PKD1: variants seen among roughly 807,000 people sequenced by gnomAD.
PKD1 encodes polycystin 1, transient receptor potential channel interacting.
A neutral mutation model predicts 361.7 loss-of-function variants in PKD1; 81 were observed. That is an observed-to-expected ratio of 0.22 (90% CI 0.19 to 0.27). The LOEUF (loss-of-function observed/expected upper bound fraction) is 0.27, where lower values mean the gene tolerates loss of function less well. Among genes scored for constraint, PKD1 ranks in the 10% least tolerant of loss-of-function variants. The probability of loss-of-function intolerance (pLI) is 1.00; values close to 1 mark genes in which losing one functional copy is unlikely to be tolerated. For missense variants in PKD1, 6,399 were observed against 6,118.3 expected (o/e 1.05, Z -1.53); for synonymous variants, 3,615 against 2,818.3 (o/e 1.28, Z -8.95).
intron 1 of PKD1, chr16:2,120,318 A>G: frequency 6.3e-6 from 1 of 158,294 alleles, no homozygotes; most frequent in East Asian, 1.8e-4. Flanking sequence ...ATAAAATTAG[A>G]AAACAAACTA....
intron 1 of PKD1, among the ~76,000 whole-genome samples, chr16:2,120,954 T>G (rs545851416): frequency 2.7e-5 from 4 of 147,298 alleles, no homozygotes; most frequent in Admixed American, 2.7e-4. Flanking sequence ...GAGGCGAAGG[T>G]TGCAGTGAGC....
In PKD1 at chr16:2,093,511, G is replaced by A. The variant is rs776147546; in HGVS notation, c.11016+33C>T. ...TGGGAGGTGGGAGACAAGAGACGGAGGTGGCAGGGGCACAGGCCGCACCCA... is the reference window on the plus strand; with the variant it reads ...TGGGAGGTGGGAGACAAGAGACGGAAGTGGCAGGGGCACAGGCCGCACCCA... On this transcript the variant is annotated intron_variant, in intron 37 of 45. Coordinates refer to ENST00000262304, the MANE Select transcript of PKD1 (RefSeq NM_001009944.3). The A allele has an allele frequency of 1.9e-6, 3 of 1,568,660 alleles. No homozygotes were observed. The African/African-American group carries it at 4.0e-5, about 21-fold the overall frequency.
At chr16:2,120,164 A>G in intron 1 of PKD1, 1 of 446,314 alleles carries the variant, frequency 2.2e-6, no homozygotes. Context: ...GGGAGCTGAG[A>G]TCGCATCACT....
Position 2,105,984 on chromosome 16 carries a change from T to C in PKD1, c.7744A>G (p.Thr2582Ala), listed in dbSNP as rs779361826. 80 of 1,602,766 alleles carry C rather than the reference T, an allele frequency of 5.0e-5. No homozygotes were observed. In the South Asian group the frequency reaches 7.3e-4, roughly 15 times the overall value. ...CCGTGCAGCCAGACTGTGAGCCCCG[T>C]TGCGCTGCCGTTGGGCTCTGGGAGG... ...ITLPEPNGSATGLTVWLHGLT... is the reference protein window; with the variant it reads ...ITLPEPNGSAAGLTVWLHGLT... The change falls in exon 20 of 46, where the codon ACG becomes GCG. Residue 2582 changes from threonine (T) to alanine (A), a missense_variant. Thr to Ala is a moderately conservative substitution (Grantham distance 58, BLOSUM62 0). Transcript: ENST00000262304.
At chr16:2,093,777 G>T (rs1264166828) in intron 36 of PKD1, 34 bp downstream of exon 36, 2 of 1,558,652 alleles carry the variant, frequency 1.3e-6, no homozygotes, top group Non-Finnish European at 1.7e-6. Flanking sequence ...CCCCGTGATG[G>T]AGGCCTGTAG....
In PKD1 at chr16:2,109,572, C is replaced by T; in HGVS notation, c.5595G>A (p.Arg1865=). The T allele has an allele frequency of 1.9e-6, 3 of 1,611,636 alleles. No homozygotes were observed. Among genetic ancestry groups the T allele is most frequent in the Non-Finnish European group, 2.5e-6 (3 of 1,179,530 alleles). Residue 1865 remains arginine, a synonymous_variant, in exon 15 of 46, where the codon CGG becomes CGA. Transcript: ENST00000262304. ...AGCTGACTGCGTTGGAGGCATTGAGCCGGATGGAGAAGGTGCCAGCATCCG... is the reference window on the plus strand; with the variant it reads ...AGCTGACTGCGTTGGAGGCATTGAGTCGGATGGAGAAGGTGCCAGCATCCG... The part of the protein sequence containing the change: ...VFPDAGTFSI[R]LNASNAVSWV...
At position 2,091,499 on chromosome 16, in the gene PKD1, G is replaced by C. The variant is rs1286182166; in HGVS notation, c.11636C>G (p.Ala3879Gly). The C allele has an allele frequency of 2.1e-6, 3 of 1,421,468 alleles. No homozygotes were observed. Among genetic ancestry groups the C allele is most frequent in the Admixed American group, 3.1e-5 (1 of 32,572 alleles). The allele number at this position is 1,421,468 out of a possible 1,614,324, so 88.1% of individuals were successfully genotyped here. Reference sequence around the variant, plus strand: ...GGGGCGGACGCTGAGGGCGGCCAGGGCGCGGCCGGCCGCCGGGAACTCGAG... The same window carrying C: ...GGGGCGGACGCTGAGGGCGGCCAGGCCGCGGCCGGCCGCCGGGAACTCGAG... ...LRLEFPAAGR[A>G]LAALSVRPFA... The change falls in exon 42 of 46, where the codon GCC becomes GGC. Residue 3879 changes from alanine (A) to glycine (G), a missense_variant. Ala to Gly is a moderately conservative substitution (Grantham distance 60, BLOSUM62 0). Coordinates refer to ENST00000262304, the MANE Select transcript of PKD1 (RefSeq NM_001009944.3).
chr16:2,090,294 C>G lies in PKD1; in HGVS notation c.12435G>C (p.Lys4145Asn). 1 of 1,610,016 alleles carries G rather than the reference C, an allele frequency of 6.2e-7. No individual in the cohort carries two copies. Among genetic ancestry groups the G allele is most frequent in the Non-Finnish European group, 8.5e-7 (1 of 1,178,170 alleles). Residue 4145 changes from lysine to asparagine, a missense_variant, in exon 45 of 46, where the codon AAG becomes AAC. Lys to Asn is a moderately conservative substitution (Grantham distance 94). Transcript: ENST00000262304. ...RRLRLWMGLS[K>N]VKEFRHKVRF... ...ACTGGGCCGTACCCACCTCCTTGAC[C>G]TTGCTGAGGCCCATCCAGAGGCGCA...
At chr16:2,121,051 G>A (rs147829960) in intron 1 of PKD1, among the ~76,000 whole-genome samples, 2,172 of 151,986 alleles carry the variant, frequency 0.014, 26 homozygotes, top group Non-Finnish European at 0.022. Flanking sequence ...GAAAGAAAGG[G>A]AGGAGAGAGA....
At chr16:2,092,850 A>G in intron 38 of PKD1, 104 bp downstream of exon 38, 2 of 1,393,406 alleles carry the variant, frequency 1.4e-6, no homozygotes, top group Non-Finnish European at 2.0e-6. Context: ...CAGTTCTAGC[A>G]GCCACAAAGG....
rs765995667 is a variant in PKD1 at position 2,091,100 on chromosome 16, G to A, written c.11787C>T (p.Arg3929=). The change falls in exon 43 of 46, where the codon CGC becomes CGT. Residue 3929 remains arginine, a synonymous_variant. Transcript: ENST00000262304. Reference sequence around the variant, plus strand: ...GCGCCCAGGCTCCGAGCCGCAGCACGCGCCAGCGCCCTTCCCTGTGCCAAG... The same window carrying A: ...GCGCCCAGGCTCCGAGCCGCAGCACACGCCAGCGCCCTTCCCTGTGCCAAG... ...ARTWHREGRW[R]VLRLGAWARW... 2.1e-5 allele frequency: 32 copies of A among 1,495,150 alleles called. No individual in the cohort carries two copies. The Middle Eastern group carries it at 7.0e-4, about 33-fold the overall frequency. The allele number at this position is 1,495,150 out of a possible 1,614,324, so 92.6% of individuals were successfully genotyped here.
intron 34 of PKD1, chr16:2,096,727 G>C (rs1459397526): frequency 5.2e-6 from 1 of 192,376 alleles, no homozygotes; most frequent in Non-Finnish European, 1.1e-5. Context: ...ATGTTGGCCA[G>C]GCTGGTCTCG....
intron 10 of PKD1, 144 bp from the exon 11 acceptor site, chr16:2,115,069 A>G: frequency 6.7e-7 from 1 of 1,490,220 alleles, no homozygotes; most frequent in East Asian, 2.5e-5. Context: ...CGTGACAAGG[A>G]CAGGCAGGAC....
Position 2,114,296 on chromosome 16 carries a change from C to T in PKD1, c.2727G>A (p.Val909=), listed in dbSNP as rs746985625. Residue 909 remains valine, a synonymous_variant, in exon 11 of 46, where the codon GTG becomes GTA. Coordinates refer to ENST00000262304, the MANE Select transcript of PKD1 (RefSeq NM_001009944.3). ...LPWLSEGEHV[V]DVVVENSASR... ...TGGCGCTGTTTTCCACCACCACGTCCACCACGTGCTCCCCCTCACTGAGCC... is the reference window on the plus strand; with the variant it reads ...TGGCGCTGTTTTCCACCACCACGTCTACCACGTGCTCCCCCTCACTGAGCC... 4.3e-6 allele frequency: 7 copies of T among 1,610,546 alleles called. No individual in the cohort carries two copies. The highest frequency in any genetic ancestry group is 2.2e-5 in the East Asian group (1 of 44,874).
In PKD1 at chr16:2,093,672, G is replaced by C; in HGVS notation, c.10888C>G (p.Leu3630Val). 5 of 1,606,992 alleles carry C rather than the reference G, an allele frequency of 3.1e-6. No homozygotes were observed. The highest frequency in any genetic ancestry group is 4.2e-6 in the Non-Finnish European group (5 of 1,177,036). The change falls in exon 37 of 46, where the codon CTG (leucine) becomes GTG (valine). Residue 3630 changes from leucine to valine, a missense_variant. Physicochemically the swap from Leu to Val is conservative, Grantham distance 32. Transcript: ENST00000262304. Reference protein sequence around the residue: ...KRLHPDEDDTLVESPAVTPVS... With the variant: ...KRLHPDEDDTVVESPAVTPVS... ...GGCGTCACAGCCGGGCTCTCTACCA[G>C]GGTGTCATCTTCATCCGGGTGCAGC...
At chr16:2,126,999 C>T (rs1319538134) in intron 1 of PKD1, among the ~76,000 whole-genome samples, 1 of 152,158 alleles carries the variant, frequency 6.6e-6, no homozygotes, top group East Asian at 1.9e-4. Flanking sequence ...CAGAGGAGAT[C>T]CACAGAGACG....
chr16:2,130,888 A>AC (rs1188237043), intron 1 of PKD1, among the ~76,000 whole-genome samples: 1 of 152,154 alleles, frequency 6.6e-6, no homozygotes, highest in Non-Finnish European at 1.5e-5. Flanking sequence ...CCAGTCCTGG[A>AC]CCCCAGCATT....
rs1432457671 is a variant in PKD1, at chr16:2,097,369, C to T, written c.10355G>A (p.Gly3452Asp). Reference sequence around the variant, plus strand: ...CGAGTAGGGGCTGGCCAGGGAGAAGCCGTCCTCCTCTGGGCCCAGCCCATG... The same window carrying T: ...CGAGTAGGGGCTGGCCAGGGAGAAGTCGTCCTCCTCTGGGCCCAGCCCATG... ...AGHGLGPEED[G>D]FSLASPYSPA... Residue 3452 changes from glycine (G) to aspartate (D), a missense_variant, in exon 33 of 46, where the codon GGC becomes GAC. Transcript: ENST00000262304. 1.2e-6 allele frequency: 2 copies of T among 1,611,788 alleles called. No individual in the cohort carries two copies. Among genetic ancestry groups the T allele is most frequent in the African/African-American group, 2.7e-5 (2 of 74,936 alleles).
At position 2,100,205 on chromosome 16, in the gene PKD1, C is replaced by T. The variant is rs745679062; in HGVS notation, c.9673G>A (p.Ala3225Thr). 1.9e-6 allele frequency: 3 copies of T among 1,610,064 alleles called. No individual in the cohort carries two copies. In the South Asian group the frequency reaches 3.3e-5, roughly 18 times the overall value. ...VNDWLSVETEANGGLVEKEVL... is the reference protein window; with the variant it reads ...VNDWLSVETETNGGLVEKEVL... The stretch of plus-strand genomic sequence containing the variant: ...TCCTTCTCCACCAGGCCCCCGTTGG[C>T]CTCCGTCTCCACCGAAAGCCAGTCA... The change falls in exon 28 of 46, where the codon GCC becomes ACC. Residue 3225 changes from alanine to threonine, a missense_variant. Physicochemically the swap from Ala to Thr is moderately conservative, Grantham distance 58. Coordinates refer to ENST00000262304, the MANE Select transcript of PKD1 (RefSeq NM_001009944.3). The surrounding 1 kb of genome is among the most constrained non-coding windows in gnomAD (Gnocchi z 4.4).
Sources: gnomAD v4.1 joint callset for allele counts (sites outside exome capture counted in the v4.1 genomes callset) on GRCh38, gnomAD v4.1.1 for gene constraint, Gnocchi (gnomAD v3.1) non-coding constraint, MANE v1.5 for transcripts, NCBI Gene and HGNC (gene_info 2026-07-23, HGNC 2026-07-21) for gene names.